The following ZZZ3 variants were observed in gnomAD, a reference collection of about 807,000 sequenced individuals.
ZZZ3 encodes zinc finger ZZ-type containing 3.
A neutral mutation model predicts 95.2 loss-of-function variants in ZZZ3; 22 were observed. The observed-to-expected ratio is 0.23, with a 90% CI of 0.17 to 0.33. The LOEUF is 0.33. Among genes scored for constraint, ZZZ3 ranks in the 10% least tolerant of loss-of-function variants. ZZZ3 has a pLI of 1.00. For missense variants in ZZZ3, 885 were observed against 1,066.5 expected, an observed-to-expected ratio of 0.83 and a Z score of 2.37; for synonymous variants, 335 against 358.9, an observed-to-expected ratio of 0.93 and a Z score of 0.75.
intron 1 of ZZZ3, among the ~76,000 whole-genome samples, chr1:77,675,726 T>C (rs1672201909): frequency 1.3e-5 from 2 of 152,174 alleles, no homozygotes; most frequent in African/African-American, 4.8e-5. Flanking sequence ...TTAATAAAAT[T>C]AACAGCTTTG....
chr1:77,572,629 C>T (rs1466201403), intron 12 of ZZZ3, among the ~76,000 whole-genome samples: 6 of 151,724 alleles, frequency 4.0e-5, no homozygotes, highest in Non-Finnish European at 7.4e-5. Context: ...TGAGACACTG[C>T]GCCCGGCCTT....
chr1:77,596,264 G>A (rs1174467594), intron 5 of ZZZ3, among the ~76,000 whole-genome samples: 2 of 152,048 alleles, frequency 1.3e-5, no homozygotes, highest in Non-Finnish European at 2.9e-5. Context: ...AGTCTAAAAG[G>A]CTACATATAC....
intron 1 of ZZZ3, among the ~76,000 whole-genome samples, chr1:77,677,526 C>A (rs1229179753): frequency 6.6e-6 from 1 of 152,092 alleles, no homozygotes; most frequent in South Asian, 2.1e-4. Context: ...AGGGTAACAA[C>A]CACTCGAAAG....
At chr1:77,603,126 G>A (rs1026275204) in intron 5 of ZZZ3, among the ~76,000 whole-genome samples, 4 of 151,764 alleles carry the variant, frequency 2.6e-5, no homozygotes, top group African/African-American at 9.7e-5. Flanking sequence ...GCCCAGGCTG[G>A]AGTGCAGTAG....
chr1:77,606,581 G>T (rs997014023), intron 5 of ZZZ3, among the ~76,000 whole-genome samples: 5 of 152,326 alleles, frequency 3.3e-5, no homozygotes, highest in African/African-American at 1.2e-4. Context: ...AGTCCCAGTG[G>T]TGGTGGCCAC....
rs1445104327 is a variant in ZZZ3 at position 77,613,806 on chromosome 1, G to C, written c.1505+18044C>G. On this transcript the variant is annotated intron_variant, in intron 5 of 14. Transcript: ENST00000370801. ...TCCTACATATTGACTTTTCCCCTAT[G>C]TCGAATATATATTAAAATTTGAAAA... is the stretch of plus-strand genomic sequence containing the variant. 3.3e-5 allele frequency among the ~76,000 whole-genome samples: 5 copies of C among 151,944 alleles called. No individual in the cohort carries two copies. The East Asian group carries it at 9.6e-4, about 29-fold the overall frequency.
At position 77,662,648 on chromosome 1, in the gene ZZZ3, G is replaced by A. The variant is rs146813243; in HGVS notation, c.-403+19937C>T. 9.2e-5 allele frequency among the ~76,000 whole-genome samples: 14 copies of A among 152,168 alleles called. No individual in the cohort carries two copies. The South Asian group carries it at 1.0e-3, about 11-fold the overall frequency. ...ATGTCAAGAAATTTGAGGCCAGGCC[G>A]GACATGGTGGCTCAGGCCTGTAATC... is the stretch of plus-strand genomic sequence containing the variant. On this transcript the variant is annotated intron_variant, in intron 1 of 14. Coordinates refer to ENST00000370801, the MANE Select transcript of ZZZ3 (RefSeq NM_015534.6).
chr1:77,659,074 C>T (rs1404000669), intron 1 of ZZZ3, among the ~76,000 whole-genome samples: 6 of 151,894 alleles, frequency 4.0e-5, no homozygotes, highest in African/African-American at 1.4e-4. Context: ...CAAAATTAGC[C>T]GGGCGTAGTG....
Position 77,574,602 on chromosome 1 carries a change from C to G in ZZZ3, c.2331+1466G>C, listed in dbSNP as rs7511779. Among the ~76,000 whole-genome samples the G allele has an allele frequency of 9.5e-3, 1,451 of 152,214 alleles. 33 individuals carry two copies. Among genetic ancestry groups the G allele is most frequent in the African/African-American group, 0.033 (1,388 of 41,522 alleles). On this transcript the variant is annotated intron_variant, in intron 12 of 14. Coordinates refer to ENST00000370801, the MANE Select transcript of ZZZ3 (RefSeq NM_015534.6). Reference sequence around the variant, plus strand: ...TTCCCAGTAAAAAGAAGGACTGACTCTGGGTCTGAGGCAGGAAATATACAA... The same window carrying G: ...TTCCCAGTAAAAAGAAGGACTGACTGTGGGTCTGAGGCAGGAAATATACAA...
intron 5 of ZZZ3, among the ~76,000 whole-genome samples, chr1:77,620,974 C>T (rs1666796954): frequency 6.6e-6 from 1 of 152,122 alleles, no homozygotes; most frequent in African/African-American, 2.4e-5. Context: ...CTAATTATAA[C>T]TACAGAAATC....
At chr1:77,626,564 G>A (rs1270309116) in intron 5 of ZZZ3, among the ~76,000 whole-genome samples, 1 of 152,128 alleles carries the variant, frequency 6.6e-6, no homozygotes, top group Non-Finnish European at 1.5e-5. Context: ...TAATTTCACT[G>A]TTGATCTGAC....
chr1:77,672,827 A>G (rs1671905910), intron 1 of ZZZ3, among the ~76,000 whole-genome samples: 1 of 152,236 alleles, frequency 6.6e-6, no homozygotes, highest in African/African-American at 2.4e-5. Context: ...TATAACCATT[A>G]CAAAAGTTAG....
At chr1:77,659,542 C>T (rs1670594950) in intron 1 of ZZZ3, among the ~76,000 whole-genome samples, 1 of 151,588 alleles carries the variant, frequency 6.6e-6, no homozygotes, top group South Asian at 2.1e-4. Flanking sequence ...CAAAAATTAG[C>T]CAGGCGTGGG....
In ZZZ3 at chr1:77,564,967, A is replaced by G. The variant is rs1481965877; in HGVS notation, c.*673T>C. The G allele has an allele frequency of 6.6e-6, 1 of 152,654 alleles. No homozygotes were observed. Among genetic ancestry groups the G allele is most frequent in the Admixed American group, 6.5e-5 (1 of 15,284 alleles). 9.5% of individuals were successfully genotyped at this position (152,654 alleles called of 1,614,324 possible). A position where few individuals can be genotyped will look rare whatever the true frequency, so the allele number is the denominator to read the frequency against. The stretch of plus-strand genomic sequence containing the variant: ...TTATATAACATTACATTTAAAAAAT[A>G]TATCTGAGTGACAATTTTATAACAT... On this transcript the variant is annotated 3_prime_UTR_variant, in exon 15 of 15. Transcript: ENST00000370801.
intron 1 of ZZZ3, among the ~76,000 whole-genome samples, chr1:77,648,994 G>T (rs1427631203): frequency 6.6e-6 from 1 of 152,122 alleles, no homozygotes; most frequent in Admixed American, 6.5e-5. Flanking sequence ...AAGAGTGGTG[G>T]TGTGTGCCTG....
At chr1:77,678,242 A>G (rs571520838) in intron 1 of ZZZ3, among the ~76,000 whole-genome samples, 1 of 152,318 alleles carries the variant, frequency 6.6e-6, no homozygotes, top group African/African-American at 2.4e-5. Flanking sequence ...TCAAATATTA[A>G]ATGTAATAGA....
chr1:77,582,246 T>C (rs1319481775), intron 6 of ZZZ3, 120 bp from the exon 7 acceptor site: 4 of 788,960 alleles, frequency 5.1e-6, no homozygotes, highest in South Asian at 2.5e-5. Flanking sequence ...GGCATTTCTA[T>C]TCATGTTTAA....
At chr1:77,566,322 G>GTTATGTGTTTATAT (rs1181265439) in intron 13 of ZZZ3, 141 bp from the exon 14 acceptor site, 1 of 501,390 alleles carries the variant, frequency 2.0e-6, no homozygotes, top group African/African-American at 2.0e-5. Flanking sequence ...ACACACAAAT[G>GTTATGTGTTTATAT]GTTATGTGTT....
chr1:77,673,576 G>C (rs1671980575), intron 1 of ZZZ3, among the ~76,000 whole-genome samples: 1 of 152,074 alleles, frequency 6.6e-6, no homozygotes, highest in Non-Finnish European at 1.5e-5. Context: ...CATCCTGGGT[G>C]ACAGAGTGAG....
Sources: gnomAD v4.1 joint callset for allele counts (sites outside exome capture counted in the v4.1 genomes callset) on GRCh38, gnomAD v4.1.1 for gene constraint, MANE v1.5 for transcripts, NCBI Gene and HGNC (gene_info 2026-07-23, HGNC 2026-07-21) for gene names.